Variants in DAAM2 observed in about 807,000 individuals in gnomAD.
DAAM2 encodes dishevelled associated activator of morphogenesis 2, also known as disheveled-associated activator of morphogenesis 2.
DAAM2 carries 39 observed loss-of-function variants against 120.7 expected under a neutral mutation model. The ratio of observed to expected loss-of-function variants is 0.32; its 90% confidence interval spans 0.25 to 0.42. The LOEUF (loss-of-function observed/expected upper bound fraction) is 0.42, where lower values mean the gene tolerates loss of function less well. Among genes scored for constraint, DAAM2 ranks in the 10% least tolerant of loss-of-function variants. The pLI is 1.00. For missense variants in DAAM2, 1,283 were observed against 1,401.7 expected (o/e 0.92, Z 1.35); for synonymous variants, 488 against 524.9 (o/e 0.93, Z 0.96).
intron 17 of DAAM2, 56 bp from the exon 18 acceptor site, chr6:39,891,285 T>C (rs368022056): frequency 7.3e-7 from 1 of 1,373,288 alleles, no homozygotes; most frequent in East Asian, 2.5e-5. Context: ...TCACACCCTG[T>C]ACCCCATGTC....
At chr6:39,847,463 T>C (rs1347476784) in intron 1 of DAAM2, among the ~76,000 whole-genome samples, 1 of 152,162 alleles carries the variant, frequency 6.6e-6, no homozygotes, top group African/African-American at 2.4e-5. Context: ...GGTTCTCCTG[T>C]GTAGGGTGAT....
intron 21 of DAAM2, among the ~76,000 whole-genome samples, chr6:39,897,621 T>A (rs896394531): frequency 6.6e-6 from 1 of 151,794 alleles, no homozygotes; most frequent in Non-Finnish European, 1.5e-5. Flanking sequence ...CATAAAGAGG[T>A]GGGAAGAGGT....
Position 39,887,446 on chromosome 6 carries a change from A to C in DAAM2, c.1954-40A>C, listed in dbSNP as rs1448733650. 2.0e-6 allele frequency: 3 copies of C among 1,478,538 alleles called. No homozygotes were observed. The South Asian group carries it at 3.5e-5, about 17-fold the overall frequency. The allele number at this position is 1,478,538 out of a possible 1,614,324, so 91.6% of individuals were successfully genotyped here. On this transcript the variant is annotated intron_variant, in intron 15 of 24. Transcript: ENST00000274867. ...GGGGCGGGTAAGAGGAGGATTAGGG[A>C]ACCCACACCTCAACTGTCCACTTGA...
At position 39,825,349 on chromosome 6, in the gene DAAM2, A is replaced by C. The variant is rs540932880; in HGVS notation, c.-56-30898A>C. Among the ~76,000 whole-genome samples the C allele has an allele frequency of 2.6e-5, 4 of 150,964 alleles. No homozygotes were observed. The Admixed American group carries it at 2.7e-4, about 10-fold the overall frequency. On this transcript the variant is annotated intron_variant, in intron 1 of 24. Coordinates refer to ENST00000274867, the MANE Select transcript of DAAM2 (RefSeq NM_001201427.2). ...GGTTGCAGCGAACTGAGATTGCGCC[A>C]CTGCACTCCAGCTGGGTGACAGAGC...
intron 22 of DAAM2, 91 bp downstream of exon 22, chr6:39,899,028 A>G: frequency 1.6e-6 from 1 of 617,982 alleles, no homozygotes; most frequent in Non-Finnish European, 2.5e-6. Flanking sequence ...CAGGGGCAAA[A>G]AACAATGGGT....
intron 23 of DAAM2, among the ~76,000 whole-genome samples, chr6:39,900,636 C>T (rs1216802416): frequency 1.3e-5 from 2 of 152,148 alleles, no homozygotes; most frequent in Non-Finnish European, 2.9e-5. Context: ...TGTCCATAGA[C>T]CTCATGTATG....
chr6:39,849,570 A>G (rs1763729681), intron 1 of DAAM2, among the ~76,000 whole-genome samples: 1 of 152,230 alleles, frequency 6.6e-6, no homozygotes, highest in African/African-American at 2.4e-5. Flanking sequence ...AGAGAGGCCA[A>G]GTAACTTGTT....
At position 39,887,494 on chromosome 6, in the gene DAAM2, G is replaced by C. The variant is rs755030931; in HGVS notation, c.1962G>C (p.Leu654=). The part of the protein sequence containing the change: ...FSAYQRHQKE[L]GSTEDIYLAS... Reference sequence around the variant, plus strand: ...TGACTTGTTGGTTGCAGAAAGAGCTGGGCTCCACTGAAGACATCTACCTGG... The same window carrying C: ...TGACTTGTTGGTTGCAGAAAGAGCTCGGCTCCACTGAAGACATCTACCTGG... The change falls in exon 16 of 25, where the codon CTG becomes CTC. Residue 654 remains leucine (L), a synonymous_variant. Coordinates refer to ENST00000274867, the MANE Select transcript of DAAM2 (RefSeq NM_001201427.2). 2 of 1,612,778 alleles carry C rather than the reference G, an allele frequency of 1.2e-6. No homozygotes were observed. The highest frequency in any genetic ancestry group is 2.2e-5 in the South Asian group (2 of 90,796).
Position 39,840,229 on chromosome 6 carries a change from A to AAAACAAAC in DAAM2, c.-56-16000_-56-15993dup, listed in dbSNP as rs113463795. Among the ~76,000 whole-genome samples the AAAACAAAC allele has an allele frequency of 8.2e-3, 1,253 of 152,128 alleles. 16 individuals carry two copies. The highest frequency in any genetic ancestry group is 0.028 in the African/African-American group (1,153 of 41,434). On this transcript the variant is annotated intron_variant, in intron 1 of 24. Coordinates refer to ENST00000274867, the MANE Select transcript of DAAM2 (RefSeq NM_001201427.2). ...GCAATAGAGTGAGACAATGTCTCAA[A>AAAACAAAC]AAACAAACAAACAAACAAACAAACA...
intron 1 of DAAM2, among the ~76,000 whole-genome samples, chr6:39,832,038 GCAGGTACACTGCGGGGA>G (rs1562011701): frequency 6.8e-6 from 1 of 146,288 alleles, no homozygotes; most frequent in Non-Finnish European, 1.5e-5. Context: ...CACTGGGGGC[GCAGGTACACTGCGGGGA>G]CAGGTGTACT....
rs1031087447 is a variant in DAAM2 at position 39,902,200 on chromosome 6, G to A, written c.*163G>A. 2.8e-5 allele frequency: 15 copies of A among 535,238 alleles called. No homozygotes were observed. The highest frequency in any genetic ancestry group is 9.6e-5 in the East Asian group (3 of 31,398). The allele number at this position is 535,238 out of a possible 1,614,324, so 33.2% of individuals were successfully genotyped here. A position where few individuals can be genotyped will look rare whatever the true frequency, so the allele number is the denominator to read the frequency against. ...GTGGCTGGACCAGGTGTCTCCCCAC[G>A]CTTACCTTAAGGGGCTCCTCTTATC... On this transcript the variant is annotated 3_prime_UTR_variant, in exon 25 of 25. Coordinates refer to ENST00000274867, the MANE Select transcript of DAAM2 (RefSeq NM_001201427.2).
At chr6:39,848,714 C>T (rs972251253) in intron 1 of DAAM2, 2 of 152,158 alleles carry the variant, frequency 1.3e-5, no homozygotes, top group African/African-American at 2.4e-5. Context: ...GAATAGCTCC[C>T]CCAATCCTGG....
intron 5 of DAAM2, among the ~76,000 whole-genome samples, chr6:39,865,504 G>C (rs1398457514): frequency 1.3e-5 from 2 of 152,164 alleles, no homozygotes; most frequent in African/African-American, 4.8e-5. Flanking sequence ...GGGCGGTGTG[G>C]TGTCTCTGGA....
intron 9 of DAAM2, among the ~76,000 whole-genome samples, chr6:39,871,878 A>G (rs1764678351): frequency 6.6e-6 from 1 of 152,260 alleles, no homozygotes; most frequent in Non-Finnish European, 1.5e-5. Context: ...AGCCAGTAGC[A>G]TGGCTCAGTC....
At position 39,856,387 on chromosome 6, in the gene DAAM2, G is replaced by T; in HGVS notation, c.85G>T (p.Asp29Tyr). 3 of 1,553,286 alleles carry T rather than the reference G, an allele frequency of 1.9e-6. No individual in the cohort carries two copies. Among genetic ancestry groups the T allele is most frequent in the Non-Finnish European group, 2.6e-6 (3 of 1,149,426 alleles). ...GSDIPEINLR[D>Y]NHPLQFMEFS... ...TGACATCCCCGAAATCAACCTCCGG[G>T]ACAACCACCCTCTGCAGTTCATGGA... Residue 29 changes from aspartate to tyrosine, a missense_variant, in exon 2 of 25, where the codon GAC becomes TAC. By Grantham distance (160) the Asp-to-Tyr change is radical. Transcript: ENST00000274867.
Position 39,813,163 on chromosome 6 carries a change from T to C in DAAM2, c.-57+20698T>C, listed in dbSNP as rs186722401. On this transcript the variant is annotated intron_variant, in intron 1 of 24. Coordinates refer to ENST00000274867, the MANE Select transcript of DAAM2 (RefSeq NM_001201427.2). ...GAGGCAGATTGTGTGTGTGTGTGTG[T>C]GTGCGTGTGTGTGTGTATGTATGTG... 2.0e-3 allele frequency among the ~76,000 whole-genome samples: 307 copies of C among 151,974 alleles called. 1 individual carries two copies. The highest frequency in any genetic ancestry group is 7.0e-3 in the African/African-American group (290 of 41,360).
intron 1 of DAAM2, among the ~76,000 whole-genome samples, chr6:39,816,108 T>A (rs1283573900): frequency 1.3e-5 from 2 of 152,218 alleles, no homozygotes; most frequent in Non-Finnish European, 2.9e-5. Flanking sequence ...TAGTTTTGGT[T>A]TTTCTCTATA....
chr6:39,807,498 A>C (rs1301163050), intron 1 of DAAM2, among the ~76,000 whole-genome samples: 1 of 152,098 alleles, frequency 6.6e-6, no homozygotes, highest in Non-Finnish European at 1.5e-5. Context: ...TATTTCTTAG[A>C]CTGAAGGGTG....
intron 22 of DAAM2, chr6:39,899,861 T>A: frequency 2.2e-6 from 1 of 462,018 alleles, no homozygotes; most frequent in Non-Finnish European, 3.8e-6. Flanking sequence ...AGGTCACATG[T>A]TGGGTCTCAG....
Sources: allele counts gnomAD v4.1 joint callset (sites outside exome capture counted in the v4.1 genomes callset), GRCh38; gene constraint gnomAD v4.1.1; transcripts MANE v1.5; gene names NCBI Gene and HGNC (gene_info 2026-07-23, HGNC 2026-07-21).